MMS22L: variants seen among roughly 807,000 people sequenced by gnomAD.
The protein encoded by MMS22L is protein MMS22-like.
A neutral mutation model predicts 159.1 loss-of-function variants in MMS22L; 74 were observed. The observed-to-expected ratio is 0.47, with a 90% CI of 0.39 to 0.56. The LOEUF (loss-of-function observed/expected upper bound fraction) is 0.56, where lower values mean the gene tolerates loss of function less well. Among genes scored for constraint, MMS22L ranks in the 20% least tolerant of loss-of-function variants. The pLI, the probability that MMS22L is intolerant of heterozygous loss-of-function variation, is 0.00. For synonymous variants in MMS22L, 517 were observed against 506.9 expected (o/e 1.02, Z -0.27); for missense variants, 1,351 against 1,422.1 (o/e 0.95, Z 0.80).
intron 23 of MMS22L, among the ~76,000 whole-genome samples, chr6:97,150,768 T>G (rs897414389): frequency 6.6e-6 from 1 of 151,930 alleles, no homozygotes; most frequent in South Asian, 2.1e-4. Flanking sequence ...AGATCCAACA[T>G]AGAATGAAGG....
chr6:97,249,712 G>T (rs889248473), intron 10 of MMS22L, among the ~76,000 whole-genome samples: 1 of 144,690 alleles, frequency 6.9e-6, no homozygotes, highest in Non-Finnish European at 1.5e-5. Flanking sequence ...ATTATAACAC[G>T]TACCAATAAC....
intron 19 of MMS22L, among the ~76,000 whole-genome samples, chr6:97,170,180 C>T (rs1462668514): frequency 6.6e-6 from 1 of 152,120 alleles, no homozygotes; most frequent in Non-Finnish European, 1.5e-5. Flanking sequence ...TTTCAGGCAT[C>T]CACTAGTGGT....
At chr6:97,272,930 C>G in intron 5 of MMS22L, 45 bp downstream of exon 5, 1 of 1,605,944 alleles carries the variant, frequency 6.2e-7, no homozygotes. Flanking sequence ...TGTGAATACA[C>G]ACAGAAATTC....
At position 97,152,134 on chromosome 6, in the gene MMS22L, C is replaced by T. The variant is rs984812873; in HGVS notation, c.3386-267G>A. 2.9e-4 allele frequency among the ~76,000 whole-genome samples: 44 copies of T among 151,714 alleles called. 1 individual carries two copies. The highest frequency in any genetic ancestry group is 1.0e-3 in the African/African-American group (42 of 41,330). On this transcript the variant is annotated intron_variant, in intron 22 of 24. Coordinates refer to ENST00000683635, the MANE Select transcript of MMS22L (RefSeq NM_001350599.2). The stretch of plus-strand genomic sequence containing the variant: ...ACCTATTTTTCTCTTAGAAAGGTGC[C>T]CATATTCAAAAAAGTTACACCATCC...
At chr6:97,281,483 C>T in intron 2 of MMS22L, 121 bp from the exon 3 acceptor site, 1 of 758,686 alleles carries the variant, frequency 1.3e-6, no homozygotes, top group Non-Finnish European at 2.1e-6. Flanking sequence ...TCAGAAAATG[C>T]CTTGGTACTT....
chr6:97,275,022 A>T (rs1187974451), intron 4 of MMS22L, among the ~76,000 whole-genome samples: 1 of 152,222 alleles, frequency 6.6e-6, no homozygotes, highest in African/African-American at 2.4e-5. Context: ...AACAAGCCTC[A>T]AGAAGAACCA....
At chr6:97,178,679 A>G in intron 17 of MMS22L, 94 bp from the exon 18 acceptor site, 1 of 546,668 alleles carries the variant, frequency 1.8e-6, no homozygotes, top group African/African-American at 2.0e-5. Context: ...ATATATGAGA[A>G]GTAATACAGT....
chr6:97,153,318 G>A (rs935676931), intron 22 of MMS22L, among the ~76,000 whole-genome samples: 3 of 147,894 alleles, frequency 2.0e-5, no homozygotes, highest in Admixed American at 6.7e-5. Context: ...TAGCTATCCC[G>A]ATTCCTTCTA....
At chr6:97,170,946 C>T (rs1281151776) in intron 19 of MMS22L, among the ~76,000 whole-genome samples, 1 of 152,108 alleles carries the variant, frequency 6.6e-6, no homozygotes, top group Non-Finnish European at 1.5e-5. Flanking sequence ...GCAGAGGTTG[C>T]GGTGAGCTGA....
chr6:97,165,457 C>G lies in MMS22L; in HGVS notation c.3010G>C (p.Gly1004Arg). The G allele has an allele frequency of 6.2e-7, 1 of 1,610,212 alleles. No individual in the cohort carries two copies. Among genetic ancestry groups the G allele is most frequent in the Non-Finnish European group, 8.5e-7 (1 of 1,178,472 alleles). The change falls in exon 21 of 25, where the codon GGC becomes CGC. Residue 1004 changes from glycine to arginine, a missense_variant and splice_region_variant. Physicochemically the swap from Gly to Arg is moderately radical, Grantham distance 125 (BLOSUM62 -2). Coordinates refer to ENST00000683635, the MANE Select transcript of MMS22L (RefSeq NM_001350599.2). Reference sequence around the variant, plus strand: ...GATTGACAACACACGATACACATGCCCTACAAGGAAAAAAAGTAAGAAATA... The same window carrying G: ...GATTGACAACACACGATACACATGCGCTACAAGGAAAAAAAGTAAGAAATA... Reference protein sequence around the residue: ...IQKSLPLYLQGMCIVCCQSQN... With the variant: ...IQKSLPLYLQRMCIVCCQSQN...
intron 10 of MMS22L, among the ~76,000 whole-genome samples, chr6:97,249,900 A>G (rs908444888): frequency 3.3e-5 from 5 of 152,168 alleles, no homozygotes; most frequent in Admixed American, 2.6e-4. Flanking sequence ...AGTATATTTC[A>G]ATCATTCTGT....
chr6:97,218,141 A>T (rs1487859830), intron 14 of MMS22L, among the ~76,000 whole-genome samples: 1 of 152,196 alleles, frequency 6.6e-6, no homozygotes, highest in African/African-American at 2.4e-5. Flanking sequence ...AGAAAATACT[A>T]AGGAAAACAC....
At chr6:97,256,733 T>C (rs1813854460) in intron 9 of MMS22L, among the ~76,000 whole-genome samples, 1 of 152,116 alleles carries the variant, frequency 6.6e-6, no homozygotes, top group South Asian at 2.1e-4. Context: ...GAAGGACTGC[T>C]TGAGGTCAGG....
chr6:97,149,850 T>A lies in MMS22L; in HGVS notation c.3650+3A>T. On this transcript the variant is annotated splice_donor_region_variant and intron_variant, in intron 24 of 24. Coordinates refer to ENST00000683635, the MANE Select transcript of MMS22L (RefSeq NM_001350599.2). Reference sequence around the variant, plus strand: ...CCCAATGTAATTAAATTATCAAACATACCTTTGTGCTATATTCCTGCCAAG... The same window carrying A: ...CCCAATGTAATTAAATTATCAAACAAACCTTTGTGCTATATTCCTGCCAAG... 1 of 1,593,766 alleles carries A rather than the reference T, an allele frequency of 6.3e-7. No homozygotes were observed. The highest frequency in any genetic ancestry group is 8.5e-7 in the Non-Finnish European group (1 of 1,170,030).
chr6:97,182,645 G>C (rs1804832105), intron 15 of MMS22L, among the ~76,000 whole-genome samples: 1 of 152,048 alleles, frequency 6.6e-6, no homozygotes, highest in Non-Finnish European at 1.5e-5. Flanking sequence ...ATATTAATTT[G>C]TTTGCCAATA....
At chr6:97,278,813 C>T (rs778484803) in intron 4 of MMS22L, 36 bp downstream of exon 4, 2 of 1,580,636 alleles carry the variant, frequency 1.3e-6, no homozygotes, top group Non-Finnish European at 8.7e-7. Context: ...TAATGAAGCA[C>T]CATTCCCTTT....
At chr6:97,238,768 C>T (rs138707946) in intron 11 of MMS22L, among the ~76,000 whole-genome samples, 102 of 142,562 alleles carry the variant, frequency 7.2e-4, no homozygotes, top group Middle Eastern at 3.5e-3. Flanking sequence ...TTTGGGCATA[C>T]TACATAGGTC....
At chr6:97,202,835 A>T (rs1382725540) in intron 14 of MMS22L, among the ~76,000 whole-genome samples, 3 of 152,222 alleles carry the variant, frequency 2.0e-5, no homozygotes, top group Admixed American at 2.0e-4. Flanking sequence ...GTGTATCTTT[A>T]TAATACTCTT....
chr6:97,252,777 G>A (rs1813382537), intron 10 of MMS22L, among the ~76,000 whole-genome samples: 1 of 152,018 alleles, frequency 6.6e-6, no homozygotes, highest in Non-Finnish European at 1.5e-5. Context: ...TGATTAAAAT[G>A]AGAAATATAT....
Sources: gnomAD v4.1 joint callset for allele counts (sites outside exome capture counted in the v4.1 genomes callset) on GRCh38, gnomAD v4.1.1 for gene constraint, MANE v1.5 for transcripts, NCBI Gene and HGNC (gene_info 2026-07-23, HGNC 2026-07-21) for gene names.